BTK: variants seen among roughly 807,000 people sequenced by gnomAD.
BTK encodes tyrosine-protein kinase BTK.
BTK carries 5 observed loss-of-function variants against 57.4 expected under a neutral mutation model. That is an observed-to-expected ratio of 0.09 (90% CI 0.05 to 0.18). BTK has a LOEUF of 0.18. BTK is among the 10% of genes least tolerant of loss of function. BTK has a pLI of 1.00. For missense variants in BTK, 194 were observed against 501.2 expected (o/e 0.39, Z 5.85); for synonymous variants, 154 against 174.3 (o/e 0.88, Z 0.92).
chrX:101,364,773 G>A (rs1482027287), intron 5 of BTK, among the ~76,000 whole-genome samples: 2 of 108,886 alleles, frequency 1.8e-5, no homozygotes, highest in African/African-American at 3.3e-5. Flanking sequence ...ACAGTGTCTC[G>A]CTCTGTTGCC....
At chrX:101,382,311 T>TTTTATTTATTTATTTATTTATTTATTTA (rs781942193) in intron 1 of BTK, among the ~76,000 whole-genome samples, 20 of 104,470 alleles carry the variant, frequency 1.9e-4, no homozygotes, top group African/African-American at 6.6e-4. Context: ...GCAGTTCATG[T>TTTTATTTATTTATTTATTTATTTATTTA]TTTATTTATT....
chrX:101,387,066 C>T (rs1045070280), upstream of BTK, among the ~76,000 whole-genome samples: 2 of 111,977 alleles, frequency 1.8e-5, no homozygotes, highest in Non-Finnish European at 3.8e-5. Flanking sequence ...ACCTCGGGCA[C>T]TGCCATATTT....
chrX:101,368,942 C>T (rs1180699902), intron 5 of BTK, among the ~76,000 whole-genome samples: 1 of 112,090 alleles, frequency 8.9e-6, no homozygotes, highest in Non-Finnish European at 1.9e-5. Flanking sequence ...AATAACCCAA[C>T]CATACCATTA....
At chrX:101,390,523 C>T (rs1352616578), upstream of BTK, 4 of 514,123 alleles carry the variant, frequency 7.8e-6, no homozygotes, top group Non-Finnish European at 1.4e-5. Flanking sequence ...ATCCAATAAC[C>T]ATTTGTTGAA....
intron 7 of BTK, among the ~76,000 whole-genome samples, chrX:101,361,399 TCTACTAAGTGGCTCAGAAC>T: frequency 9.1e-6 from 1 of 110,213 alleles, no homozygotes. Context: ...TGTACGTGAA[TCTACTAAGTGGCTCAGAAC>T]CTTGGTTTCC....
intron 1 of BTK, among the ~76,000 whole-genome samples, chrX:101,384,868 G>A (rs782339893): frequency 9.0e-6 from 1 of 111,659 alleles, no homozygotes; most frequent in African/African-American, 3.3e-5. Context: ...ACTTATCCAA[G>A]GATGTCTTGA....
chrX:101,349,588 T>C lies in BTK; in HGVS notation c.*297A>G. On this transcript the variant is annotated 3_prime_UTR_variant, in exon 19 of 19. Coordinates refer to ENST00000308731, the MANE Select transcript of BTK (RefSeq NM_000061.3). ...TACCAAATGCCTACTCAAAGAGCTG[T>C]TGGACCCCTTTGTGCGGCTATTTAC... 1 of 298,853 alleles carries C rather than the reference T, an allele frequency of 3.3e-6. No homozygotes were observed. Among genetic ancestry groups the C allele is most frequent in the Non-Finnish European group, 5.9e-6 (1 of 169,883 alleles). 24.6% of individuals were successfully genotyped at this position (298,853 alleles called of 1,213,427 possible).
chrX:101,364,250 A>T (rs1280870744), intron 5 of BTK, among the ~76,000 whole-genome samples: 2 of 107,869 alleles, frequency 1.9e-5, no homozygotes, highest in African/African-American at 6.7e-5. Context: ...CTCTACTAAA[A>T]ATACAAAAAT....
At chrX:101,358,791 C>T in intron 10 of BTK, 95 bp from the exon 11 acceptor site, 2 of 702,267 alleles carry the variant, frequency 2.8e-6, no homozygotes, top group Non-Finnish European at 2.3e-6. Flanking sequence ...AGAACAACCC[C>T]TGATTTTACT....
intron 1 of BTK, among the ~76,000 whole-genome samples, chrX:101,378,928 C>T (rs1555981419): frequency 9.0e-6 from 1 of 110,961 alleles, no homozygotes; most frequent in East Asian, 2.8e-4. Flanking sequence ...AATCCCAGCA[C>T]TTTGGGAGGC....
chrX:101,376,952 T>C (rs906306877), intron 1 of BTK, among the ~76,000 whole-genome samples: 1 of 111,594 alleles, frequency 9.0e-6, no homozygotes, highest in Admixed American at 9.6e-5. Flanking sequence ...TCTATTCTCA[T>C]GCTGGGGAGA....
Position 101,358,298 on chromosome X carries a change from C to T in BTK, c.1102+12G>A, listed in dbSNP as rs1926553156. On this transcript the variant is annotated intron_variant, in intron 12 of 18. Coordinates refer to ENST00000308731, the MANE Select transcript of BTK (RefSeq NM_000061.3). Reference sequence around the variant, plus strand: ...GTCTGTAACTCCCTTCTCAGTTGCCCCTGGTACTCACCTGCAGAGTTGTGC... The same window carrying T: ...GTCTGTAACTCCCTTCTCAGTTGCCTCTGGTACTCACCTGCAGAGTTGTGC... 2 of 1,211,807 alleles carry T rather than the reference C, an allele frequency of 1.7e-6. No individual in the cohort carries two copies. The highest frequency in any genetic ancestry group is 2.2e-6 in the Non-Finnish European group (2 of 895,493).
intron 10 of BTK, among the ~76,000 whole-genome samples, 169 bp downstream of exon 10, chrX:101,359,124 C>T (rs781828245): frequency 1.8e-5 from 2 of 111,428 alleles, no homozygotes; most frequent in East Asian, 5.7e-4. Context: ...GGTGACAGAC[C>T]GAGAGTCCGT....
At chrX:101,362,845 G>A (rs1218700300) in intron 5 of BTK, 156 bp from the exon 6 acceptor site, 22 of 729,906 alleles carry the variant, frequency 3.0e-5, no homozygotes, top group Non-Finnish European at 4.6e-5. Flanking sequence ...TGGCTCACAT[G>A]ACTGGCCTGC....
intron 5 of BTK, among the ~76,000 whole-genome samples, chrX:101,367,536 T>C (rs1472019347): frequency 9.2e-6 from 1 of 108,991 alleles, no homozygotes; most frequent in Non-Finnish European, 1.9e-5. Context: ...CTCGGGAGGC[T>C]GAGGTAGGAG....
rs1926520485 is a variant in BTK at position 101,357,496 on chromosome X, A to G, written c.1177+13T>C. 8.3e-7 allele frequency: 1 copy of G among 1,206,965 alleles called. No homozygotes were observed. ...TGGCCAGTCCACCCTACCCCAGAGAAATAAGGAGTTACCGTATCCCAGGCC... is the reference window on the plus strand; with the variant it reads ...TGGCCAGTCCACCCTACCCCAGAGAGATAAGGAGTTACCGTATCCCAGGCC... On this transcript the variant is annotated intron_variant, in intron 13 of 18. Coordinates refer to ENST00000308731, the MANE Select transcript of BTK (RefSeq NM_000061.3).
intron 4 of BTK, among the ~76,000 whole-genome samples, chrX:101,371,090 T>C (rs1927016437): frequency 8.9e-6 from 1 of 112,364 alleles, no homozygotes; most frequent in Non-Finnish European, 1.9e-5. Context: ...ACATGTGGCC[T>C]ACAGAGTTCT....
chrX:101,369,592 G>A (rs1818165750), intron 5 of BTK, among the ~76,000 whole-genome samples: 1 of 111,859 alleles, frequency 8.9e-6, no homozygotes, highest in African/African-American at 3.2e-5. Flanking sequence ...ATAGAGAAAT[G>A]GAGGTGCCTA....
chrX:101,374,776 C>A, intron 2 of BTK, 142 bp from the exon 3 acceptor site: 1 of 542,277 alleles, frequency 1.8e-6, no homozygotes, highest in East Asian at 3.4e-5. Flanking sequence ...AAAATCCTTC[C>A]AGATCTATAA....
Sources: gnomAD v4.1 joint callset for allele counts (sites outside exome capture counted in the v4.1 genomes callset) on GRCh38, gnomAD v4.1.1 for gene constraint, MANE v1.5 for transcripts, NCBI Gene and HGNC (gene_info 2026-07-23, HGNC 2026-07-21) for gene names.